NFATC1: variants seen among roughly 807,000 people sequenced by gnomAD.
The protein encoded by NFATC1 is nuclear factor of activated T-cells, cytoplasmic 1.
In NFATC1, 22 loss-of-function variants were observed where a neutral mutation model predicts 76.0. The observed-to-expected ratio is 0.29, with a 90% CI of 0.21 to 0.41. The LOEUF is 0.41. NFATC1 is among the 10% of genes least tolerant of loss of function. NFATC1 has a pLI of 1.00. For missense variants in NFATC1, 1,357 were observed against 1,337.7 expected (o/e 1.01, Z -0.23); for synonymous variants, 704 against 613.1 (o/e 1.15, Z -2.19).
chr18:79,410,376 C>T lies in NFATC1; in HGVS notation c.128-27C>T, dbSNP rs1274359768. ...GCTTTGTGATGCCCAGCCCCTCATG[C>T]TCCCATCTGCTTCTTTTTCTCTCTA... On this transcript the variant is annotated intron_variant, in intron 1 of 9. Transcript: ENST00000427363. The surrounding 1 kb of genome is among the most constrained non-coding windows in gnomAD (Gnocchi z 6.7). 6.3e-7 allele frequency: 1 copy of T among 1,577,726 alleles called. No homozygotes were observed. The highest frequency in any genetic ancestry group is 1.2e-5 in the South Asian group (1 of 85,572).
At position 79,529,012 on chromosome 18, in the gene NFATC1, A is replaced by G. The variant is rs1455313169; in HGVS notation, c.*1435A>G. 1 of 152,550 alleles carries G rather than the reference A, an allele frequency of 6.6e-6. No homozygotes were observed. Among genetic ancestry groups the G allele is most frequent in the Non-Finnish European group, 1.5e-5 (1 of 68,048 alleles). The allele number at this position is 152,550 out of a possible 1,614,324, so 9.4% of individuals were successfully genotyped here. ...GGAGGCTCCGGCTGTGAAGTCACTG[A>G]ACAGAACGTCGCTGATGGAGAAAGG... On this transcript the variant is annotated 3_prime_UTR_variant, in exon 10 of 10. Transcript: ENST00000427363.
chr18:79,429,364 C>T (rs115723953), intron 2 of NFATC1, among the ~76,000 whole-genome samples: 1 of 151,888 alleles, frequency 6.6e-6, no homozygotes, highest in African/African-American at 2.4e-5. Flanking sequence ...AAATTTCACC[C>T]GAGCTTTTTT....
At chr18:79,477,454 C>T (rs1381568460) in intron 8 of NFATC1, among the ~76,000 whole-genome samples, 2 of 152,210 alleles carry the variant, frequency 1.3e-5, no homozygotes, top group Non-Finnish European at 2.9e-5. Context: ...TTAGATCTCC[C>T]CACCCCCAAT....
At chr18:79,467,915 C>T (rs1453098672) in intron 8 of NFATC1, 8 of 1,122,044 alleles carry the variant, frequency 7.1e-6, no homozygotes, top group Admixed American at 4.8e-5. Context: ...TGTGCATTTG[C>T]ACCCTAAAGC....
intron 8 of NFATC1, 23 bp from the exon 9 acceptor site, chr18:79,486,225 A>G: frequency 6.3e-7 from 1 of 1,583,522 alleles, no homozygotes; most frequent in Non-Finnish European, 8.6e-7. Context: ...GTGTTTATTT[A>G]ATTTTTTTTT....
intron 9 of NFATC1, among the ~76,000 whole-genome samples, chr18:79,520,023 G>A (rs540435695): frequency 1.3e-5 from 2 of 152,344 alleles, no homozygotes; most frequent in South Asian, 2.1e-4. Flanking sequence ...CCCAGGAAGC[G>A]GGGATGGAGG....
intron 8 of NFATC1, among the ~76,000 whole-genome samples, chr18:79,485,413 C>T (rs887129474): frequency 2.6e-5 from 4 of 152,244 alleles, no homozygotes; most frequent in Admixed American, 1.3e-4. Flanking sequence ...GCAGGAATGC[C>T]GGCTGGGATC....
chr18:79,431,654 G>C (rs1408676102), intron 2 of NFATC1, among the ~76,000 whole-genome samples: 2 of 152,110 alleles, frequency 1.3e-5, no homozygotes, highest in Non-Finnish European at 2.9e-5. Flanking sequence ...GCCTCCCAAA[G>C]TTTTGGGATT....
intron 2 of NFATC1, among the ~76,000 whole-genome samples, chr18:79,415,838 G>C (rs1460286838): frequency 6.6e-6 from 1 of 152,040 alleles, no homozygotes; most frequent in Non-Finnish European, 1.5e-5. Flanking sequence ...GAGGCAGGTG[G>C]ATCAGCTGAG....
Position 79,411,115 on chromosome 18 carries a change from C to G in NFATC1, c.840C>G (p.His280Gln), listed in dbSNP as rs1331195397. ...GCCGGCAGCCGCCCTACTCACCCCA[C>G]CACTCGCCCACGCCGTCCCCGCACG... ...LNGRQPPYSP[H>Q]HSPTPSPHGS... Residue 280 changes from histidine to glutamine, a missense_variant, in exon 2 of 10, where the codon CAC becomes CAG. Physicochemically the swap from His to Gln is conservative, Grantham distance 24. Around this residue, in one of 3 missense-constraint regions of NFATC1, gnomAD observed 691 missense variants for 613.1 expected, o/e 1.13. Transcript: ENST00000427363. The G allele has an allele frequency of 1.2e-6, 2 of 1,612,378 alleles. No individual in the cohort carries two copies. The highest frequency in any genetic ancestry group is 3.3e-5 in the Admixed American group (2 of 60,002).
chr18:79,420,810 G>C (rs2086063644), intron 2 of NFATC1: 2 of 152,370 alleles, frequency 1.3e-5, no homozygotes, highest in Non-Finnish European at 2.9e-5. Context: ...GTTTCCAGGT[G>C]ACGTCGCTGC....
chr18:79,475,412 C>T (rs975384695), intron 8 of NFATC1, among the ~76,000 whole-genome samples: 6 of 148,782 alleles, frequency 4.0e-5, no homozygotes, highest in Non-Finnish European at 7.5e-5. Flanking sequence ...CGCTCACCGT[C>T]GACGTTGTAA....
At chr18:79,472,392 G>A (rs1436468387) in intron 8 of NFATC1, among the ~76,000 whole-genome samples, 2 of 152,256 alleles carry the variant, frequency 1.3e-5, no homozygotes, top group Admixed American at 6.5e-5. Flanking sequence ...GTTCTGGGCC[G>A]CCGCCCGACC....
chr18:79,486,358 G>A lies in NFATC1; in HGVS notation c.2203G>A (p.Ala735Thr), dbSNP rs372330806. The change falls in exon 9 of 10, where the codon GCG becomes ACG. Residue 735 changes from alanine (A) to threonine (T), a missense_variant. By Grantham distance (58) the Ala-to-Thr change is moderately conservative. Around this residue, in one of 3 missense-constraint regions of NFATC1, gnomAD observed 424 missense variants for 395.4 expected, o/e 1.07. Transcript: ENST00000427363. ...LPRPYYSQQLAMPPDPSSCLV... is the reference protein window; with the variant it reads ...LPRPYYSQQLTMPPDPSSCLV... Reference sequence around the variant, plus strand: ...AAGACCATACTACAGCCAGCAGCTCGCGATGCCACCCGACCCCAGCTCCTG... The same window carrying A: ...AAGACCATACTACAGCCAGCAGCTCACGATGCCACCCGACCCCAGCTCCTG... 7.1e-5 allele frequency: 114 copies of A among 1,612,942 alleles called. No homozygotes were observed. The highest frequency in any genetic ancestry group is 8.4e-5 in the Non-Finnish European group (99 of 1,180,020).
At chr18:79,505,667 G>A (rs1455874629) in intron 9 of NFATC1, among the ~76,000 whole-genome samples, 1 of 145,384 alleles carries the variant, frequency 6.9e-6, no homozygotes, top group Non-Finnish European at 1.5e-5. Context: ...GGTGATGGAA[G>A]AGGCAGGAGA....
intron 1 of NFATC1, among the ~76,000 whole-genome samples, chr18:79,407,406 C>T (rs2085479903): frequency 6.6e-6 from 1 of 152,136 alleles, no homozygotes; most frequent in African/African-American, 2.4e-5. Flanking sequence ...CCACCCCAGT[C>T]CCTGCCTGTG....
At chr18:79,488,992 G>A (rs1200310607) in intron 9 of NFATC1, among the ~76,000 whole-genome samples, 2 of 152,202 alleles carry the variant, frequency 1.3e-5, no homozygotes, top group Non-Finnish European at 2.9e-5. Context: ...CTGGGGGCTG[G>A]GACGTGTTCT....
chr18:79,498,842 A>C (rs1217106302), intron 9 of NFATC1, among the ~76,000 whole-genome samples: 3 of 152,246 alleles, frequency 2.0e-5, no homozygotes, highest in African/African-American at 7.2e-5. Flanking sequence ...TGAATCGTGG[A>C]TGTCGGAGGA....
intron 6 of NFATC1, chr18:79,452,227 C>T (rs574460719): frequency 7.6e-5 from 12 of 157,058 alleles, no homozygotes; most frequent in East Asian, 1.9e-4. Context: ...CTTCCCCTCC[C>T]GCCAGCATTC....
Sources: allele counts gnomAD v4.1 joint callset (sites outside exome capture counted in the v4.1 genomes callset), GRCh38; gene constraint gnomAD v4.1.1; regional missense constraint gnomAD v4.1.1; non-coding constraint Gnocchi (gnomAD v3.1); transcripts MANE v1.5; gene names NCBI Gene and HGNC (gene_info 2026-07-23, HGNC 2026-07-21).